The following FAM193A variants were observed in gnomAD, a reference collection of about 807,000 sequenced individuals.
The protein encoded by FAM193A is family with sequence similarity 193 member A, also known as protein FAM193A.
Under a neutral mutation model 126.5 loss-of-function variants are expected in FAM193A, and 22 were observed. That is an observed-to-expected ratio of 0.17 (90% CI 0.12 to 0.25). The LOEUF (loss-of-function observed/expected upper bound fraction) is 0.25, where lower values mean the gene tolerates loss of function less well. Ranked by LOEUF, FAM193A falls within the 10% of genes least tolerant of loss-of-function variation. The pLI, the probability that FAM193A is intolerant of heterozygous loss-of-function variation, is 1.00. For missense variants in FAM193A, 1,675 were observed against 1,672.8 expected (o/e 1.00, Z -0.02); for synonymous variants, 761 against 646.8 (o/e 1.18, Z -2.68).
chr4:2,608,892 C>CTTTT (rs747565544), intron 2 of FAM193A, among the ~76,000 whole-genome samples: 1 of 138,112 alleles, frequency 7.2e-6, no homozygotes, highest in Non-Finnish European at 1.6e-5. Flanking sequence ...TGAATTTCAC[C>CTTTT]TTTTTTTTTT....
intron 20 of FAM193A, among the ~76,000 whole-genome samples, chr4:2,726,749 T>C (rs918553406): frequency 8.2e-6 from 1 of 121,934 alleles, no homozygotes; most frequent in African/African-American, 3.3e-5. Context: ...CTGGCCGACA[T>C]GGTGAAACCC....
intron 1 of FAM193A, among the ~76,000 whole-genome samples, chr4:2,592,473 C>T (rs2108900815): frequency 6.6e-6 from 1 of 152,290 alleles, no homozygotes; most frequent in African/African-American, 2.4e-5. Flanking sequence ...ATTTATCTTC[C>T]TGTCTCAAAC....
chr4:2,721,629 C>T (rs1391785737), intron 20 of FAM193A, among the ~76,000 whole-genome samples: 3 of 152,242 alleles, frequency 2.0e-5, no homozygotes, highest in East Asian at 1.9e-4. Flanking sequence ...TTGCAGCTAG[C>T]GAGCCCTCCC....
rs150969276 is a variant in FAM193A, at chr4:2,542,817, G to A, written c.255+5647G>A. On this transcript the variant is annotated intron_variant, in intron 1 of 20. Transcript: ENST00000637812. ...AGGACTGTCTTGATTTTCAGGAGTGGTCACAGTCCCACTGTCCTGTGTGCG... is the reference window on the plus strand; with the variant it reads ...AGGACTGTCTTGATTTTCAGGAGTGATCACAGTCCCACTGTCCTGTGTGCG... 9.6e-3 allele frequency among the ~76,000 whole-genome samples: 1,455 copies of A among 152,254 alleles called. 29 individuals are homozygous for A. The highest frequency in any genetic ancestry group is 0.033 in the African/African-American group (1,365 of 41,564).
intron 20 of FAM193A, among the ~76,000 whole-genome samples, chr4:2,717,773 T>A (rs1281422098): frequency 5.8e-5 from 8 of 137,460 alleles, no homozygotes; most frequent in Non-Finnish European, 1.1e-4. Context: ...AAAAAAAAAA[T>A]TCCCCGAGTA....
chr4:2,593,088 C>G (rs1024752822), intron 1 of FAM193A, among the ~76,000 whole-genome samples: 4 of 152,148 alleles, frequency 2.6e-5, no homozygotes, highest in East Asian at 1.9e-4. Context: ...TGGCCCATGA[C>G]GAAGCTCAGA....
At chr4:2,709,426 G>T (rs999578473) in intron 19 of FAM193A, among the ~76,000 whole-genome samples, 1 of 151,954 alleles carries the variant, frequency 6.6e-6, no homozygotes, top group Non-Finnish European at 1.5e-5. Flanking sequence ...GGAAGTTTTT[G>T]GCTGGGCACG....
intron 1 of FAM193A, among the ~76,000 whole-genome samples, chr4:2,550,063 G>T (rs1737817209): frequency 2.8e-5 from 4 of 145,352 alleles, no homozygotes; most frequent in Admixed American, 1.4e-4. Context: ...TTGAGACAGA[G>T]TGTCGCTCTG....
In FAM193A at chr4:2,648,878, T is replaced by C. The variant is rs537737916; in HGVS notation, c.1311+2046T>C. Among the ~76,000 whole-genome samples the C allele has an allele frequency of 1.8e-4, 27 of 152,304 alleles. No individual in the cohort carries two copies. The South Asian group carries it at 3.5e-3, about 20-fold the overall frequency. ...TGTGGCCGTGCAGGAGGGCCAGTAG[T>C]GTGTCCAGGTCACCACTCCCTGGGA... On this transcript the variant is annotated intron_variant, in intron 7 of 20. Coordinates refer to ENST00000637812, the MANE Select transcript of FAM193A (RefSeq NM_001366318.2).
chr4:2,581,119 A>C (rs1739902973), intron 1 of FAM193A, among the ~76,000 whole-genome samples: 1 of 139,612 alleles, frequency 7.2e-6, no homozygotes, highest in Admixed American at 7.0e-5. Context: ...ATAGAGCAAG[A>C]CTCCGTCTCA....
intron 1 of FAM193A, among the ~76,000 whole-genome samples, chr4:2,587,899 GAA>G (rs532004753): frequency 9.2e-5 from 14 of 152,124 alleles, no homozygotes; most frequent in Non-Finnish European, 2.1e-4. Flanking sequence ...GAAAGAAAGA[GAA>G]AGTGATGATA....
chr4:2,721,900 GA>G, intron 20 of FAM193A, among the ~76,000 whole-genome samples: 1 of 152,310 alleles, frequency 6.6e-6, no homozygotes, highest in Non-Finnish European at 1.5e-5. Flanking sequence ...CAGTGAAGAC[GA>G]ACAGACTGTC....
At position 2,643,682 on chromosome 4, in the gene FAM193A, C is replaced by G. The variant is rs569334059; in HGVS notation, c.1164-3003C>G. Among the ~76,000 whole-genome samples, 3 of 152,326 alleles carry G rather than the reference C, an allele frequency of 2.0e-5. No individual in the cohort carries two copies. The South Asian group carries it at 6.2e-4, about 32-fold the overall frequency. On this transcript the variant is annotated intron_variant, in intron 6 of 20. Transcript: ENST00000637812. ...TGTATCTATGAAAGAACTAGGCCATCTGTCCTGGGGGTGCTTTGGTCTGGA... is the reference window on the plus strand; with the variant it reads ...TGTATCTATGAAAGAACTAGGCCATGTGTCCTGGGGGTGCTTTGGTCTGGA...
In FAM193A at chr4:2,665,105, C is replaced by G. The variant is rs547604535; in HGVS notation, c.2079+1817C>G. Among the ~76,000 whole-genome samples, 3 of 152,304 alleles carry G rather than the reference C, an allele frequency of 2.0e-5. No individual in the cohort carries two copies. In the East Asian group the frequency reaches 5.8e-4, roughly 29 times the overall value. On this transcript the variant is annotated intron_variant, in intron 12 of 20. Transcript: ENST00000637812. The stretch of plus-strand genomic sequence containing the variant: ...TCCTAACAAAATTGAGTCTTCTAAT[C>G]TGTGAATATGCTTTATCTTTCCATT...
intron 13 of FAM193A, among the ~76,000 whole-genome samples, chr4:2,681,841 T>C (rs1715161649): frequency 6.6e-6 from 1 of 152,196 alleles, no homozygotes; most frequent in Non-Finnish European, 1.5e-5. Context: ...GTGCTTGCTT[T>C]CACTGCGTCC....
rs748495105 is a variant in FAM193A at position 2,731,751 on chromosome 4, CTG to C, written c.4455-22_4455-21del. The C allele has an allele frequency of 4.4e-6, 7 of 1,591,784 alleles. No individual in the cohort carries two copies. The South Asian group carries it at 7.7e-5, about 18-fold the overall frequency. On this transcript the variant is annotated intron_variant, in intron 20 of 20. Transcript: ENST00000637812. ...GGTTGTGGGCTGTTTCCTTCAGTGA[CTG>C]TTTGGCTTTTTGTCTTTGCAGGTTC...
intron 6 of FAM193A, among the ~76,000 whole-genome samples, chr4:2,641,818 C>G (rs1402553735): frequency 2.0e-5 from 3 of 151,970 alleles, no homozygotes; most frequent in Non-Finnish European, 4.4e-5. Context: ...ACAAAAAGAT[C>G]AGAAGCTACA....
At position 2,693,681 on chromosome 4, in the gene FAM193A, C is replaced by T. The variant is rs367570011; in HGVS notation, c.2899C>T (p.Leu967Phe). Residue 967 changes from leucine to phenylalanine, a missense_variant, in exon 16 of 21, where the codon CTC becomes TTC. Around this residue, in one of 4 missense-constraint regions of FAM193A, gnomAD observed 1,186 missense variants for 1,109.2 expected, o/e 1.07. Coordinates refer to ENST00000637812, the MANE Select transcript of FAM193A (RefSeq NM_001366318.2). ...CACGGGCTTGGCCCCCCTCCCAGCG[C>T]TCTCGCCTGCTGCGCTGTCACCTGC... is the stretch of plus-strand genomic sequence containing the variant. ...SPTGLAPLPA[L>F]SPAALSPAAL... 1.7e-5 allele frequency: 28 copies of T among 1,614,108 alleles called. No homozygotes were observed. The highest frequency in any genetic ancestry group is 2.0e-5 in the Non-Finnish European group (24 of 1,180,048).
At position 2,595,755 on chromosome 4, in the gene FAM193A, G is replaced by A. The variant is rs542602676; in HGVS notation, c.256-329G>A. 2.6e-5 allele frequency among the ~76,000 whole-genome samples: 4 copies of A among 152,306 alleles called. No homozygotes were observed. The South Asian group carries it at 8.3e-4, about 32-fold the overall frequency. On this transcript the variant is annotated intron_variant, in intron 1 of 20. Coordinates refer to ENST00000637812, the MANE Select transcript of FAM193A (RefSeq NM_001366318.2). Reference sequence around the variant, plus strand: ...CTCTAGAATAGTAGTTTCAGACTTCGTTGGTGGTAACCAGTTCTGGTAAAC... The same window carrying A: ...CTCTAGAATAGTAGTTTCAGACTTCATTGGTGGTAACCAGTTCTGGTAAAC...
Sources: gnomAD v4.1 joint callset for allele counts (sites outside exome capture counted in the v4.1 genomes callset) on GRCh38, gnomAD v4.1.1 for gene constraint, gnomAD v4.1.1 regional missense constraint, MANE v1.5 for transcripts, NCBI Gene and HGNC (gene_info 2026-07-23, HGNC 2026-07-21) for gene names.